The following SGCD variants were observed in gnomAD, a reference collection of about 807,000 sequenced individuals.
The protein encoded by SGCD is sarcoglycan delta, also known as delta-sarcoglycan.
A neutral mutation model predicts 36.6 loss-of-function variants in SGCD; 18 were observed. The observed-to-expected ratio is 0.49, with a 90% CI of 0.34 to 0.73. SGCD has a LOEUF of 0.73. Among genes scored for constraint, SGCD ranks in the 30% least tolerant of loss-of-function variants. The pLI is 0.01. For missense variants in SGCD, 387 were observed against 346.7 expected (o/e 1.12, Z -0.92); for synonymous variants, 133 against 130.6 (o/e 1.02, Z -0.12).
At position 156,761,880 on chromosome 5, in the gene SGCD, C is replaced by T. The variant is rs1451457143; in HGVS notation, c.*2490C>T. The T allele has an allele frequency of 1.3e-5, 2 of 152,066 alleles. No homozygotes were observed. Among genetic ancestry groups the T allele is most frequent in the Non-Finnish European group, 2.9e-5 (2 of 68,014 alleles). The allele number at this position is 152,066 out of a possible 1,614,324, so 9.4% of individuals were successfully genotyped here. A position where few individuals can be genotyped will look rare whatever the true frequency, so the allele number is the denominator to read the frequency against. ...AGCAATCAACCATATAAATCAAGTA[C>T]CTATTGGGAACAGACATAACATTCA... On this transcript the variant is annotated 3_prime_UTR_variant, in exon 9 of 9. Transcript: ENST00000337851.
intron 1 of SGCD, among the ~76,000 whole-genome samples, chr5:155,966,993 G>A (rs113413835): frequency 1.3e-3 from 191 of 151,526 alleles, no homozygotes; most frequent in African/African-American, 3.6e-3. Flanking sequence ...ATATGTGTGC[G>A]TATGTGTGTA....
intron 3 of SGCD, among the ~76,000 whole-genome samples, chr5:156,252,858 T>C (rs1765618289): frequency 6.6e-6 from 1 of 152,206 alleles, no homozygotes; most frequent in East Asian, 1.9e-4. Context: ...GGTGTATTGC[T>C]GGATGGCCTT....
At chr5:156,018,909 T>C (rs1026798534) in intron 1 of SGCD, among the ~76,000 whole-genome samples, 15 of 152,338 alleles carry the variant, frequency 9.8e-5, no homozygotes, top group African/African-American at 2.9e-4. Flanking sequence ...TCCCGGATTT[T>C]CATCAAATTT....
chr5:156,668,001 C>T (rs1240695177), intron 7 of SGCD, among the ~76,000 whole-genome samples: 1 of 152,186 alleles, frequency 6.6e-6, no homozygotes, highest in Non-Finnish European at 1.5e-5. Context: ...TTCACGTAAC[C>T]TTAGAATAAC....
At position 156,099,163 on chromosome 5, in the gene SGCD, A is replaced by C. The variant is rs542576900; in HGVS notation, c.-281-18715A>C. Among the ~76,000 whole-genome samples the C allele has an allele frequency of 3.1e-3, 469 of 152,294 alleles. 1 individual carries two copies. The highest frequency in any genetic ancestry group is 5.2e-3 in the Non-Finnish European group (354 of 68,014). The stretch of plus-strand genomic sequence containing the variant: ...CTGTTCCTCCCAACCTGGGATCCTA[A>C]GTCAGCTAGCCCCGTCTTTTTATCA... On this transcript the variant is annotated intron_variant, in intron 1 of 9. Transcript: ENST00000517913.
intron 1 of SGCD, among the ~76,000 whole-genome samples, chr5:156,018,731 A>C (rs114421869): frequency 2.1e-4 from 32 of 152,220 alleles, no homozygotes; most frequent in Admixed American, 2.0e-3. Flanking sequence ...CTGGAAGGCT[A>C]AAATGTGCGT....
chr5:156,323,464 T>A (rs1164820345), upstream of SGCD, among the ~76,000 whole-genome samples: 2 of 152,256 alleles, frequency 1.3e-5, no homozygotes, highest in East Asian at 3.9e-4. Context: ...AATGTAGGAA[T>A]CTCAGTTTTC....
At chr5:156,197,993 C>T (rs1318985278) in intron 3 of SGCD, among the ~76,000 whole-genome samples, 1 of 152,056 alleles carries the variant, frequency 6.6e-6, no homozygotes, top group African/African-American at 2.4e-5. Flanking sequence ...TATGTTGGCT[C>T]TCACTTCTTA....
chr5:155,806,200 G>C, the SGCD span, among the ~76,000 whole-genome samples: 1 of 152,162 alleles, frequency 6.6e-6, no homozygotes, highest in African/African-American at 2.4e-5. Flanking sequence ...TGTCACCCAG[G>C]TTGGAGTGCA....
intron 3 of SGCD, among the ~76,000 whole-genome samples, chr5:156,170,247 A>C (rs1235904432): frequency 6.6e-6 from 1 of 152,226 alleles, no homozygotes; most frequent in East Asian, 1.9e-4. Context: ...GTTGCAGATC[A>C]AAAGTAAGAT....
rs912300093 is a variant in SGCD, at chr5:156,170,518, ACACCACTTGT to A, written c.-44+46511_-44+46520del. Among the ~76,000 whole-genome samples the A allele has an allele frequency of 2.0e-4, 30 of 152,254 alleles. No homozygotes were observed. The East Asian group carries it at 4.1e-3, about 21-fold the overall frequency. ...GAAAGAATGGGATGACAAAAAGATG[ACACCACTTGT>A]CACCACTTGTCCAGGGAGCAAGTGC... is the stretch of plus-strand genomic sequence containing the variant. On this transcript the variant is annotated intron_variant, in intron 3 of 9. Coordinates refer to the SGCD transcript ENST00000517913.
intron 4 of SGCD, among the ~76,000 whole-genome samples, chr5:156,522,367 A>G (rs1336637508): frequency 6.6e-6 from 1 of 152,144 alleles, no homozygotes; most frequent in Admixed American, 6.5e-5. Context: ...TAAAAAAGAA[A>G]ATGTGGTACA....
At chr5:156,091,991 G>A (rs1434441457) in intron 1 of SGCD, among the ~76,000 whole-genome samples, 1 of 152,206 alleles carries the variant, frequency 6.6e-6, no homozygotes, top group Non-Finnish European at 1.5e-5. Flanking sequence ...CCAGATCTAT[G>A]CCTTGTTTCC....
At chr5:155,824,723 C>G in the SGCD span, among the ~76,000 whole-genome samples, 1 of 152,064 alleles carries the variant, frequency 6.6e-6, no homozygotes, top group Non-Finnish European at 1.5e-5. Flanking sequence ...TCTTCACACC[C>G]CAGATGCATT....
At chr5:155,998,858 T>A (rs1758608127) in intron 1 of SGCD, among the ~76,000 whole-genome samples, 1 of 152,216 alleles carries the variant, frequency 6.6e-6, no homozygotes, top group African/African-American at 2.4e-5. Context: ...ACTGGACATA[T>A]TACAGACATT....
intron 7 of SGCD, among the ~76,000 whole-genome samples, chr5:156,672,226 G>A (rs1400918705): frequency 6.6e-6 from 1 of 152,122 alleles, no homozygotes; most frequent in Non-Finnish European, 1.5e-5. Context: ...TGGAGTGTTG[G>A]AGGTTTCACT....
At chr5:156,213,320 C>T (rs994380369) in intron 3 of SGCD, among the ~76,000 whole-genome samples, 4 of 151,938 alleles carry the variant, frequency 2.6e-5, no homozygotes, top group African/African-American at 7.2e-5. Flanking sequence ...ACCACAATAG[C>T]ATGTGACTGC....
chr5:156,343,615 A>G (rs1238674171), intron 2 of SGCD, among the ~76,000 whole-genome samples: 1 of 152,236 alleles, frequency 6.6e-6, no homozygotes, highest in African/African-American at 2.4e-5. Flanking sequence ...TAATTCTAGT[A>G]TAAAGATAAT....
intron 4 of SGCD, among the ~76,000 whole-genome samples, chr5:156,566,901 G>A (rs1242340407): frequency 6.6e-6 from 1 of 152,110 alleles, no homozygotes; most frequent in Non-Finnish European, 1.5e-5. Flanking sequence ...CAAGCATTAT[G>A]ATACCTGAAA....
Sources: allele counts gnomAD v4.1 joint callset (sites outside exome capture counted in the v4.1 genomes callset), GRCh38; gene constraint gnomAD v4.1.1; transcripts MANE v1.5; gene names NCBI Gene and HGNC (gene_info 2026-07-23, HGNC 2026-07-21).